PAK5: variants seen among roughly 807,000 people sequenced by gnomAD.
The protein encoded by PAK5 is p21 (RAC1) activated kinase 5.
PAK5 carries 16 observed loss-of-function variants against 65.9 expected under a neutral mutation model. That is an observed-to-expected ratio of 0.24 (90% CI 0.16 to 0.37). The LOEUF (loss-of-function observed/expected upper bound fraction) is 0.37, where lower values mean the gene tolerates loss of function less well. Ranked by LOEUF, PAK5 falls within the 10% of genes least tolerant of loss-of-function variation. The pLI is 1.00. For synonymous variants in PAK5, 371 were observed against 354.9 expected, an observed-to-expected ratio of 1.05 and a Z score of -0.51; for missense variants, 785 against 903.9, an observed-to-expected ratio of 0.87 and a Z score of 1.69.
intron 1 of PAK5, among the ~76,000 whole-genome samples, chr20:9,834,195 C>A (rs1364273223): frequency 1.3e-5 from 2 of 152,194 alleles, no homozygotes; most frequent in Admixed American, 6.5e-5. Context: ...TTAAAAATCA[C>A]CCTTTTATGA....
chr20:9,820,430 C>T (rs960700206), intron 1 of PAK5, among the ~76,000 whole-genome samples: 3 of 152,132 alleles, frequency 2.0e-5, no homozygotes, highest in Admixed American at 1.3e-4. Flanking sequence ...ATTCATTGAT[C>T]TACTCCTCAC....
chr20:9,554,075 T>A (rs1447251830), intron 7 of PAK5, among the ~76,000 whole-genome samples: 2 of 152,224 alleles, frequency 1.3e-5, no homozygotes, highest in East Asian at 3.8e-4. Context: ...CAAAGGCCAA[T>A]GATGTTGAAC....
At chr20:9,669,392 A>T (rs940307393) in intron 2 of PAK5, among the ~76,000 whole-genome samples, 3 of 152,078 alleles carry the variant, frequency 2.0e-5, no homozygotes, top group African/African-American at 7.2e-5. Context: ...TTTAACTTTT[A>T]TTTTAAGTGA....
intron 1 of PAK5, among the ~76,000 whole-genome samples, chr20:9,764,046 T>G (rs1200286676): frequency 6.6e-6 from 1 of 152,158 alleles, no homozygotes; most frequent in Non-Finnish European, 1.5e-5. Context: ...GATACAATAT[T>G]ATTATCAAAT....
At chr20:9,714,788 A>G (rs949372504) in intron 1 of PAK5, among the ~76,000 whole-genome samples, 6 of 152,194 alleles carry the variant, frequency 3.9e-5, no homozygotes, top group African/African-American at 1.2e-4. Context: ...AAAACAAGAA[A>G]TGGGGAAAGG....
intron 1 of PAK5, among the ~76,000 whole-genome samples, chr20:9,781,244 G>C (rs759021614): frequency 6.6e-6 from 1 of 152,076 alleles, no homozygotes; most frequent in African/African-American, 2.4e-5. Flanking sequence ...ATGCATAATT[G>C]TTCATGAATT....
chr20:9,750,047 T>C (rs1433098360), intron 1 of PAK5, among the ~76,000 whole-genome samples: 3 of 152,290 alleles, frequency 2.0e-5, no homozygotes, highest in Non-Finnish European at 4.4e-5. Context: ...GTTTAGTAAA[T>C]ATCCAATAAA....
intron 1 of PAK5, among the ~76,000 whole-genome samples, chr20:9,745,611 C>T (rs1474184241): frequency 1.3e-5 from 2 of 152,120 alleles, no homozygotes; most frequent in African/African-American, 4.8e-5. Flanking sequence ...TACACTTCTA[C>T]ACTAGTGCCT....
chr20:9,659,430 G>T (rs2047313998), intron 2 of PAK5, among the ~76,000 whole-genome samples: 1 of 152,096 alleles, frequency 6.6e-6, no homozygotes, highest in South Asian at 2.1e-4. Flanking sequence ...GGCTTCATAT[G>T]GGCAACTGCA....
Position 9,566,243 on chromosome 20 carries a change from G to A in PAK5, c.1132C>T (p.His378Tyr), listed in dbSNP as rs2045677514. The change falls in exon 5 of 10, where the codon CAC (histidine) becomes TAC (tyrosine). Residue 378 changes from histidine (H) to tyrosine (Y), a missense_variant. His to Tyr is a moderately conservative substitution (Grantham distance 83, BLOSUM62 2). This residue lies in a region of PAK5 where 422 missense variants were observed against 413.3 expected (regional missense o/e 1.02). Coordinates refer to ENST00000353224, the MANE Select transcript of PAK5 (RefSeq NM_177990.4). ...GGGTGATGGTACAAGGTGGCTTTGT[G>A]GTACCCAGACGGGTACTGGTGACTG... The part of the protein sequence containing the change: ...SSSHQYPSGY[H>Y]KATLYHHPSL... 1 of 1,613,680 alleles carries A rather than the reference G, an allele frequency of 6.2e-7. No homozygotes were observed. The highest frequency in any genetic ancestry group is 8.5e-7 in the Non-Finnish European group (1 of 1,179,930).
At chr20:9,687,913 G>GTGTT (rs71184153) in intron 2 of PAK5, among the ~76,000 whole-genome samples, 1 of 148,808 alleles carries the variant, frequency 6.7e-6, no homozygotes, top group African/African-American at 2.5e-5. Context: ...GTGTGTGTGT[G>GTGTT]TTATGTGTGT....
chr20:9,801,746 T>G (rs1247148081), intron 1 of PAK5, among the ~76,000 whole-genome samples: 1 of 152,116 alleles, frequency 6.6e-6, no homozygotes, highest in Non-Finnish European at 1.5e-5. Context: ...ATATAAAAAT[T>G]TATTAATTCA....
intron 3 of PAK5, among the ~76,000 whole-genome samples, chr20:9,618,935 T>G (rs2046719825): frequency 1.7e-5 from 2 of 118,160 alleles, no homozygotes; most frequent in Admixed American, 8.7e-5. Flanking sequence ...TTTTTTTTTT[T>G]TTTTTTTTTT....
At chr20:9,714,838 G>T (rs6056822) in intron 1 of PAK5, among the ~76,000 whole-genome samples, 1 of 151,948 alleles carries the variant, frequency 6.6e-6, no homozygotes, top group Non-Finnish European at 1.5e-5. Flanking sequence ...AACTGGCTAG[G>T]CATATGTAGA....
At chr20:9,826,306 A>T (rs1443672203) in intron 1 of PAK5, among the ~76,000 whole-genome samples, 1 of 152,146 alleles carries the variant, frequency 6.6e-6, no homozygotes, top group African/African-American at 2.4e-5. Context: ...TTTAGTACCT[A>T]ATAGAATTCA....
chr20:9,599,448 A>G (rs983539494), intron 3 of PAK5, among the ~76,000 whole-genome samples: 1 of 152,190 alleles, frequency 6.6e-6, no homozygotes, highest in African/African-American at 2.4e-5. Flanking sequence ...CAGCAGCTGC[A>G]CCATTTGGTA....
intron 1 of PAK5, among the ~76,000 whole-genome samples, chr20:9,716,671 A>G (rs1210981490): frequency 6.6e-6 from 1 of 152,196 alleles, no homozygotes; most frequent in African/African-American, 2.4e-5. Flanking sequence ...TTACTTTAAG[A>G]CATTCTCAAA....
intron 2 of PAK5, among the ~76,000 whole-genome samples, chr20:9,679,355 T>G (rs1038322077): frequency 2.6e-5 from 4 of 152,202 alleles, no homozygotes; most frequent in Non-Finnish European, 4.4e-5. Flanking sequence ...TTTGACTGTG[T>G]AAAGGTCAGT....
intron 2 of PAK5, among the ~76,000 whole-genome samples, chr20:9,655,288 T>A (rs764772493): frequency 3.9e-5 from 6 of 152,232 alleles, no homozygotes; most frequent in African/African-American, 9.6e-5. Flanking sequence ...AGGGAACTAC[T>A]TTGTTCCTAT....
Sources: allele counts gnomAD v4.1 joint callset (sites outside exome capture counted in the v4.1 genomes callset), GRCh38; gene constraint gnomAD v4.1.1; regional missense constraint gnomAD v4.1.1; transcripts MANE v1.5; gene names NCBI Gene and HGNC (gene_info 2026-07-23, HGNC 2026-07-21).